The following CREBRF variants were observed in gnomAD, a reference collection of about 807,000 sequenced individuals.
The protein encoded by CREBRF is UPF0474 protein C5orf41.
In CREBRF, 5 loss-of-function variants were observed where a neutral mutation model predicts 66.1. That is an observed-to-expected ratio of 0.08 (90% confidence interval 0.04 to 0.16). CREBRF has a LOEUF of 0.16. Ranked by LOEUF, CREBRF falls within the 10% of genes least tolerant of loss-of-function variation. The pLI, the probability that CREBRF is intolerant of heterozygous loss-of-function variation, is 1.00. For synonymous variants in CREBRF, 229 were observed against 264.4 expected (o/e 0.87, Z 1.30); for missense variants, 531 against 744.9 (o/e 0.71, Z 3.34).
chr5:173,127,116 C>T (rs567376888), intron 8 of CREBRF, among the ~76,000 whole-genome samples: 35 of 151,892 alleles, frequency 2.3e-4, no homozygotes, highest in Non-Finnish European at 4.9e-4. Flanking sequence ...GCTGTCTTCC[C>T]AGAATTTGCC....
intron 8 of CREBRF, among the ~76,000 whole-genome samples, chr5:173,127,063 A>C (rs965801649): frequency 6.6e-6 from 1 of 152,150 alleles, no homozygotes; most frequent in Non-Finnish European, 1.5e-5. Flanking sequence ...TGGGCAACAG[A>C]GTGAGACCCT....
At chr5:173,064,559 ATTTT>A (rs1217486982) in intron 1 of CREBRF, among the ~76,000 whole-genome samples, 3 of 107,642 alleles carry the variant, frequency 2.8e-5, no homozygotes, top group Non-Finnish European at 5.6e-5. Context: ...CACCTGGTTA[ATTTT>A]TTTTTTTTTT....
chr5:173,110,617 C>T lies in CREBRF; in HGVS notation c.1513C>T (p.Leu505=), dbSNP rs780070697. ...CCAGATAGGCAATGAACTTCGGAAA[C>T]TGAATAAGGTGATTAGTGACCTGAC... ...LLQIGNELRK[L]NKVISDLTPV... The change falls in exon 6 of 9, where the codon CTG becomes TTG. Residue 505 remains leucine, a synonymous_variant. Coordinates refer to ENST00000296953, the MANE Select transcript of CREBRF (RefSeq NM_153607.3). 4.3e-6 allele frequency: 7 copies of T among 1,614,008 alleles called. No individual in the cohort carries two copies. The highest frequency in any genetic ancestry group is 1.7e-5 in the Admixed American group (1 of 60,016).
At chr5:173,110,063 A>G (rs530259375) in intron 5 of CREBRF, 1 of 216,120 alleles carries the variant, frequency 4.6e-6, no homozygotes, top group Non-Finnish European at 9.4e-6. Context: ...TTTCAAGTTC[A>G]ATACAAAAAT....
chr5:173,122,521 T>A (rs548934027), intron 7 of CREBRF, among the ~76,000 whole-genome samples: 2 of 150,316 alleles, frequency 1.3e-5, no homozygotes, highest in African/African-American at 4.9e-5. Flanking sequence ...TTCTTTTTTT[T>A]TTTGAGCATA....
At chr5:173,065,147 A>C (rs1323329758) in intron 1 of CREBRF, among the ~76,000 whole-genome samples, 1 of 152,216 alleles carries the variant, frequency 6.6e-6, no homozygotes, top group East Asian at 1.9e-4. Flanking sequence ...AATGTTCTGA[A>C]ATATGGAAGA....
chr5:173,116,523 A>G (rs1038608694), intron 7 of CREBRF, among the ~76,000 whole-genome samples: 1 of 152,208 alleles, frequency 6.6e-6, no homozygotes, highest in Non-Finnish European at 1.5e-5. Context: ...CAGCATAATT[A>G]TTTAAAAATT....
intron 3 of CREBRF, among the ~76,000 whole-genome samples, chr5:173,089,269 G>A (rs552699421): frequency 2.7e-5 from 4 of 150,132 alleles, no homozygotes. Context: ...AATAACTCTG[G>A]AAGACTCAAA....
At chr5:173,108,362 C>T (rs1231757161) in intron 4 of CREBRF, among the ~76,000 whole-genome samples, 1 of 151,946 alleles carries the variant, frequency 6.6e-6, no homozygotes, top group Non-Finnish European at 1.5e-5. Context: ...GTATCGTATA[C>T]TAACTTATAA....
chr5:173,108,892 C>A, intron 5 of CREBRF, 74 bp downstream of exon 5: 1 of 1,381,396 alleles, frequency 7.2e-7, no homozygotes, highest in Non-Finnish European at 1.0e-6. Flanking sequence ...ATGTTTACTC[C>A]GTGTACCTAG....
At chr5:173,129,277 C>T (rs540278598) in intron 8 of CREBRF, among the ~76,000 whole-genome samples, 18 of 151,224 alleles carry the variant, frequency 1.2e-4, no homozygotes, top group East Asian at 9.8e-4. Context: ...CCACTGCGCC[C>T]GGCTAATTTT....
chr5:173,094,193 C>T (rs1051579648), intron 4 of CREBRF, among the ~76,000 whole-genome samples: 1 of 152,094 alleles, frequency 6.6e-6, no homozygotes, highest in African/African-American at 2.4e-5. Flanking sequence ...TCATTGTTGG[C>T]CCCTTTGTTG....
chr5:173,089,661 TA>T (rs60450166), intron 3 of CREBRF, among the ~76,000 whole-genome samples: 25,469 of 136,060 alleles, frequency 0.19, 3,165 homozygotes, highest in African/African-American at 0.37. Flanking sequence ...GTCTCTACTT[TA>T]AAAAAAAAAA....
intron 4 of CREBRF, among the ~76,000 whole-genome samples, chr5:173,095,410 C>T (rs1273631970): frequency 6.6e-6 from 1 of 151,848 alleles, no homozygotes; most frequent in Non-Finnish European, 1.5e-5. Context: ...AGGATGGTCT[C>T]GATCTCCTGA....
intron 6 of CREBRF, among the ~76,000 whole-genome samples, chr5:173,111,410 A>T (rs1581035283): frequency 6.6e-6 from 1 of 152,054 alleles, no homozygotes; most frequent in East Asian, 1.9e-4. Flanking sequence ...GGGATTATAG[A>T]TGTGACCCAC....
intron 4 of CREBRF, among the ~76,000 whole-genome samples, chr5:173,104,563 C>CTAG (rs1758704028): frequency 6.6e-6 from 1 of 152,036 alleles, no homozygotes; most frequent in Admixed American, 6.6e-5. Context: ...GCCTGTAGCC[C>CTAG]TAGCTACTCA....
rs1232728440 is a variant in CREBRF at position 173,135,833 on chromosome 5, T to C, written c.*2088T>C. 2.0e-5 allele frequency: 3 copies of C among 152,458 alleles called. No homozygotes were observed. The highest frequency in any genetic ancestry group is 7.2e-5 in the African/African-American group (3 of 41,446). The allele number at this position is 152,458 out of a possible 1,614,324, so 9.4% of individuals were successfully genotyped here. The stretch of plus-strand genomic sequence containing the variant: ...CCAAGGAGGATTGTAAGGATTGTCT[T>C]ACCACCTTAGCTGAACTGTGATGCA... On this transcript the variant is annotated 3_prime_UTR_variant, in exon 9 of 9. Coordinates refer to ENST00000296953, the MANE Select transcript of CREBRF (RefSeq NM_153607.3).
intron 1 of CREBRF, among the ~76,000 whole-genome samples, chr5:173,077,008 A>G (rs1329492061): frequency 6.6e-6 from 1 of 151,872 alleles, no homozygotes; most frequent in Non-Finnish European, 1.5e-5. Context: ...CAGTGGCACA[A>G]TCTCGGCTCA....
chr5:173,107,817 AT>A lies in CREBRF; in HGVS notation c.1223-782del, dbSNP rs559120882. Among the ~76,000 whole-genome samples the A allele has an allele frequency of 7.2e-3, 880 of 121,814 alleles. 6 individuals carry two copies. Among genetic ancestry groups the A allele is most frequent in the African/African-American group, 0.017 (571 of 34,004 alleles). 79.9% of individuals were successfully genotyped at this position (121,814 alleles called of 152,430 possible). ...ATAGTGAGACCTCTGTCTCTACAAA[AT>A]TTTTTTTTTTTTTTTTTTTTTTTTG... On this transcript the variant is annotated intron_variant, in intron 4 of 8. Transcript: ENST00000296953.
Sources: gnomAD v4.1 joint callset for allele counts (sites outside exome capture counted in the v4.1 genomes callset) on GRCh38, gnomAD v4.1.1 for gene constraint, MANE v1.5 for transcripts, NCBI Gene and HGNC (gene_info 2026-07-23, HGNC 2026-07-21) for gene names.